The following ETFA variants were observed in gnomAD, a reference collection of about 807,000 sequenced individuals.
The protein encoded by ETFA is electron transfer flavoprotein subunit alpha, mitochondrial.
A neutral mutation model predicts 46.2 loss-of-function variants in ETFA; 22 were observed. The observed-to-expected ratio is 0.48, with a 90% CI of 0.34 to 0.68. The LOEUF (loss-of-function observed/expected upper bound fraction) is 0.68, where lower values mean the gene tolerates loss of function less well. ETFA is among the 30% of genes least tolerant of loss of function. The pLI, the probability that ETFA is intolerant of heterozygous loss-of-function variation, is 0.01. For missense variants in ETFA, 345 were observed against 401.1 expected (o/e 0.86, Z 1.19); for synonymous variants, 131 against 139.9 (o/e 0.94, Z 0.45).
intron 9 of ETFA, among the ~76,000 whole-genome samples, chr15:76,273,236 A>C (rs931495038): frequency 6.6e-6 from 1 of 152,218 alleles, no homozygotes; most frequent in Non-Finnish European, 1.5e-5. Flanking sequence ...AGTTTTCAAC[A>C]GGCAAAAGAC....
intron 6 of ETFA, 81 bp downstream of exon 6, chr15:76,286,290 A>G: frequency 1.4e-6 from 1 of 716,192 alleles, no homozygotes; most frequent in South Asian, 1.8e-5. Flanking sequence ...AAATGTAGGC[A>G]GAGGTCATCT....
intron 9 of ETFA, chr15:76,259,870 G>T: frequency 7.5e-7 from 1 of 1,338,808 alleles, no homozygotes; most frequent in Non-Finnish European, 1.1e-6. Context: ...AGGCGTGCAG[G>T]TCCCCATGCT....
intron 9 of ETFA, among the ~76,000 whole-genome samples, chr15:76,273,553 C>CAAACAAAACAAAACAAAACA (rs144721416): frequency 2.0e-5 from 3 of 149,884 alleles, no homozygotes; most frequent in Non-Finnish European, 3.0e-5. Context: ...AGACTCATCT[C>CAAACAAAACAAAACAAAACA]AAACAAAACA....
intron 9 of ETFA, among the ~76,000 whole-genome samples, chr15:76,252,900 T>C (rs1197820573): frequency 9.8e-6 from 1 of 102,240 alleles, no homozygotes; most frequent in South Asian, 4.0e-4. Flanking sequence ...CAGAGTACTT[T>C]TTTTTTTTTT....
At chr15:76,216,646 A>T in intron 11 of ETFA, 49 bp from the exon 12 acceptor site, 1 of 1,192,142 alleles carries the variant, frequency 8.4e-7, no homozygotes, top group East Asian at 2.3e-5. Flanking sequence ...CTTCACTGTG[A>T]TATGGTCACA....
chr15:76,245,933 T>C (rs1347267321), intron 9 of ETFA, among the ~76,000 whole-genome samples: 1 of 152,226 alleles, frequency 6.6e-6, no homozygotes, highest in African/African-American at 2.4e-5. Context: ...TCTGAGACTC[T>C]ATTAAGTTCA....
At chr15:76,266,786 C>T (rs899596547) in intron 9 of ETFA, among the ~76,000 whole-genome samples, 32 of 152,036 alleles carry the variant, frequency 2.1e-4, no homozygotes, top group Non-Finnish European at 4.0e-4. Flanking sequence ...CGCCTGTAGT[C>T]CCAGCTACTC....
chr15:76,256,262 GAAAAAAAAAA>G (rs59670988), intron 9 of ETFA, among the ~76,000 whole-genome samples: 1 of 95,714 alleles, frequency 1.0e-5, no homozygotes, highest in African/African-American at 3.8e-5. Flanking sequence ...CCGTCTCAAG[GAAAAAAAAAA>G]AAAAAAAAAA....
At chr15:76,295,859 C>G in intron 1 of ETFA, 122 bp from the exon 2 acceptor site, 1 of 527,746 alleles carries the variant, frequency 1.9e-6, no homozygotes, top group East Asian at 3.8e-5. Context: ...CAATATTATT[C>G]TATAAATTTA....
chr15:76,230,217 ACTTTTT>A (rs2039051645), intron 10 of ETFA: 1 of 25,024 alleles, frequency 4.0e-5, no homozygotes, highest in African/African-American at 1.1e-4. Context: ...TACTTATTGC[ACTTTTT>A]TTTTTTTTTT....
intron 9 of ETFA, among the ~76,000 whole-genome samples, chr15:76,258,110 T>C (rs903761263): frequency 2.0e-5 from 3 of 151,926 alleles, no homozygotes; most frequent in Non-Finnish European, 4.4e-5. Context: ...GCATGGCACA[T>C]GTATACATAT....
At chr15:76,262,011 T>C (rs2039419159) in intron 9 of ETFA, among the ~76,000 whole-genome samples, 1 of 152,100 alleles carries the variant, frequency 6.6e-6, no homozygotes, top group South Asian at 2.1e-4. Context: ...ACTATACCTA[T>C]GCGCAAGGAT....
At chr15:76,266,011 G>A (rs140904896) in intron 9 of ETFA, among the ~76,000 whole-genome samples, 1 of 152,148 alleles carries the variant, frequency 6.6e-6, no homozygotes, top group Non-Finnish European at 1.5e-5. Flanking sequence ...AAAATAACTG[G>A]TGCAGGAACA....
chr15:76,307,522 T>C (rs896179302), intron 1 of ETFA, among the ~76,000 whole-genome samples: 7 of 151,892 alleles, frequency 4.6e-5, no homozygotes, highest in African/African-American at 1.7e-4. Context: ...CGTCTCACTC[T>C]GTTGCCCAGG....
intron 1 of ETFA, 29 bp downstream of exon 1, chr15:76,311,321 C>T (rs1252120935): frequency 1.3e-6 from 2 of 1,552,052 alleles, no homozygotes; most frequent in Non-Finnish European, 1.7e-6. Context: ...GGGGCCGTCC[C>T]TGGGTTCGCC....
At position 76,223,087 on chromosome 15, in the gene ETFA, C is replaced by T. The variant is rs147280812; in HGVS notation, c.963+2762G>A. Reference sequence around the variant, plus strand: ...TGGACTCAAGTGATCCGCCTTTCCTCGGCCTTCCAAAGTACTGGGATTACA... The same window carrying T: ...TGGACTCAAGTGATCCGCCTTTCCTTGGCCTTCCAAAGTACTGGGATTACA... On this transcript the variant is annotated intron_variant, in intron 11 of 11. Coordinates refer to ENST00000557943, the MANE Select transcript of ETFA (RefSeq NM_000126.4). Among the ~76,000 whole-genome samples the T allele has an allele frequency of 4.0e-3, 604 of 152,156 alleles. 3 individuals carry two copies. Among genetic ancestry groups the T allele is most frequent in the African/African-American group, 0.014 (570 of 41,516 alleles).
In ETFA at chr15:76,287,919, T is replaced by G; in HGVS notation, c.378A>C (p.Lys126Asn). 1.2e-6 allele frequency: 2 copies of G among 1,614,046 alleles called. No individual in the cohort carries two copies. Among genetic ancestry groups the G allele is most frequent in the Non-Finnish European group, 1.7e-6 (2 of 1,179,930 alleles). The change falls in exon 5 of 12, where the codon AAA becomes AAC. Residue 126 changes from lysine (K) to asparagine (N), a missense_variant. Coordinates refer to ENST00000557943, the MANE Select transcript of ETFA (RefSeq NM_000126.4). ...TGTCAGAAATCGGGGCAACCTCAAG[T>G]TTGGCTGCTACTCTGGGCAAAAGGT... ...GKNLLPRVAA[K>N]LEVAPISDII...
chr15:76,304,872 G>T (rs1381264587), intron 1 of ETFA, among the ~76,000 whole-genome samples: 1 of 151,782 alleles, frequency 6.6e-6, no homozygotes, highest in Admixed American at 6.6e-5. Context: ...GTGAAACCCC[G>T]TCTCTACTAA....
chr15:76,239,847 TA>T (rs1218469725), intron 9 of ETFA, among the ~76,000 whole-genome samples: 1 of 152,074 alleles, frequency 6.6e-6, no homozygotes, highest in Non-Finnish European at 1.5e-5. Context: ...TCCATGTTGC[TA>T]AAAGTATCAG....
Sources: allele counts gnomAD v4.1 joint callset (sites outside exome capture counted in the v4.1 genomes callset), GRCh38; gene constraint gnomAD v4.1.1; transcripts MANE v1.5; gene names NCBI Gene and HGNC (gene_info 2026-07-23, HGNC 2026-07-21).